FKBP14: variants seen among roughly 807,000 people sequenced by gnomAD.
The protein encoded by FKBP14 is peptidyl-prolyl cis-trans isomerase FKBP14.
A neutral mutation model predicts 21.6 loss-of-function variants in FKBP14; 20 were observed. That is an observed-to-expected ratio of 0.92 (90% CI 0.65 to 1.34). The LOEUF is 1.34. Ranked by LOEUF, FKBP14 falls within the 40% of genes most tolerant of loss-of-function variation. The pLI, the probability that FKBP14 is intolerant of heterozygous loss-of-function variation, is 0.00. For missense variants in FKBP14, 253 were observed against 249.0 expected (o/e 1.02, Z -0.11); for synonymous variants, 79 against 86.7 (o/e 0.91, Z 0.49).
chr7:30,024,725 C>G (rs1036787316), intron 1 of FKBP14, among the ~76,000 whole-genome samples: 4 of 152,194 alleles, frequency 2.6e-5, no homozygotes, highest in African/African-American at 9.6e-5. Flanking sequence ...ATGAAGTTTA[C>G]AGTTAGCAGC....
intron 1 of FKBP14, among the ~76,000 whole-genome samples, chr7:30,023,415 A>G (rs369057514): frequency 3.7e-4 from 56 of 152,354 alleles, no homozygotes; most frequent in African/African-American, 1.3e-3. Context: ...AGTGTCTTAT[A>G]TCCTGCCTAC....
chr7:30,014,990 C>A (rs535457903), intron 3 of FKBP14, 97 bp from the exon 4 acceptor site: 48 of 681,864 alleles, frequency 7.0e-5, no homozygotes, highest in Non-Finnish European at 1.0e-4. Flanking sequence ...ATATTTAGTT[C>A]ATTAACTAAA....
chr7:30,015,727 G>T (rs1438109066), intron 3 of FKBP14, among the ~76,000 whole-genome samples: 1 of 149,470 alleles, frequency 6.7e-6, no homozygotes, highest in Non-Finnish European at 1.5e-5. Flanking sequence ...CCGGGTTCAC[G>T]CCATTCTCCT....
chr7:30,023,527 G>T (rs1408377974), intron 1 of FKBP14, among the ~76,000 whole-genome samples: 1 of 152,196 alleles, frequency 6.6e-6, no homozygotes, highest in African/African-American at 2.4e-5. Context: ...TTCCTCCTCA[G>T]GGGTCTACAG....
downstream of FKBP14, among the ~76,000 whole-genome samples, chr7:30,009,712 G>A (rs567954500): frequency 3.3e-3 from 503 of 151,884 alleles, 7 homozygotes; most frequent in African/African-American, 0.012. Flanking sequence ...GCAATAGGCC[G>A]GGCGTGGTCC....
intron 2 of FKBP14, among the ~76,000 whole-genome samples, chr7:30,020,532 C>T (rs1251602349): frequency 1.3e-5 from 2 of 152,092 alleles, no homozygotes; most frequent in Non-Finnish European, 2.9e-5. Flanking sequence ...CCCATACATA[C>T]AATGCTTTTT....
At chr7:30,007,819 T>TG (rs1441829382), downstream of FKBP14, among the ~76,000 whole-genome samples, 1 of 151,588 alleles carries the variant, frequency 6.6e-6, no homozygotes, top group South Asian at 2.1e-4. Flanking sequence ...GAGGCTGAGG[T>TG]GGGGGGATCA....
chr7:30,010,182 G>A (rs1452172057), downstream of FKBP14, among the ~76,000 whole-genome samples: 18 of 151,968 alleles, frequency 1.2e-4, no homozygotes, highest in Non-Finnish European at 1.5e-5. Context: ...TTAATCAGAG[G>A]GTATTTTATA....
intron 3 of FKBP14, among the ~76,000 whole-genome samples, chr7:30,016,055 C>T (rs1248535251): frequency 6.6e-6 from 1 of 152,096 alleles, no homozygotes; most frequent in Non-Finnish European, 1.5e-5. Flanking sequence ...GACTTACAGG[C>T]ATGTGCTACC....
chr7:30,017,571 A>G (rs559450360), intron 3 of FKBP14, among the ~76,000 whole-genome samples: 1 of 152,064 alleles, frequency 6.6e-6, no homozygotes, highest in African/African-American at 2.4e-5. Context: ...CCGTCTAAAA[A>G]AAAAAAAAAC....
intron 3 of FKBP14, among the ~76,000 whole-genome samples, chr7:30,017,483 C>T (rs894327163): frequency 2.6e-5 from 4 of 151,784 alleles, no homozygotes; most frequent in Non-Finnish European, 4.4e-5. Flanking sequence ...GCAGGAGAAT[C>T]GCTTGAACCC....
At chr7:30,018,960 A>G in intron 3 of FKBP14, 36 bp downstream of exon 3, 1 of 1,596,072 alleles carries the variant, frequency 6.3e-7, no homozygotes, top group African/African-American at 1.4e-5. Flanking sequence ...CAACCAAAGA[A>G]AAGTAGAAAG....
At chr7:30,017,579 A>AC (rs1194631430) in intron 3 of FKBP14, among the ~76,000 whole-genome samples, 1 of 151,914 alleles carries the variant, frequency 6.6e-6, no homozygotes, top group East Asian at 1.9e-4. Context: ...AAAAAAAAAA[A>AC]ACAGTAAATA....
chr7:30,024,863 C>G (rs1389285882), intron 1 of FKBP14, among the ~76,000 whole-genome samples: 1 of 152,208 alleles, frequency 6.6e-6, no homozygotes, highest in Non-Finnish European at 1.5e-5. Context: ...GTTCAGAAAT[C>G]TGAAAGAAGT....
At chr7:30,007,958 A>G (rs956611647), downstream of FKBP14, among the ~76,000 whole-genome samples, 2 of 152,134 alleles carry the variant, frequency 1.3e-5, no homozygotes, top group African/African-American at 4.8e-5. Context: ...CTGAGGCAGG[A>G]GAATCGCTTG....
At position 30,013,876 on chromosome 7, in the gene FKBP14, T is replaced by C. The variant is rs1242914864; in HGVS notation, c.*859A>G. 3 of 152,214 alleles carry C rather than the reference T, an allele frequency of 2.0e-5. No homozygotes were observed. Among genetic ancestry groups the C allele is most frequent in the Non-Finnish European group, 4.4e-5 (3 of 68,042 alleles). The allele number at this position is 152,214 out of a possible 1,614,324, so 9.4% of individuals were successfully genotyped here. On this transcript the variant is annotated 3_prime_UTR_variant, in exon 4 of 4. Coordinates refer to ENST00000222803, the MANE Select transcript of FKBP14 (RefSeq NM_017946.4). ...TCAATGCATACATATTTATATGTTA[T>C]TAACCGTGTTTCTTTTCTTTTTTTC...
chr7:30,021,425 C>G (rs1343638790), intron 2 of FKBP14, among the ~76,000 whole-genome samples: 2 of 152,158 alleles, frequency 1.3e-5, no homozygotes, highest in African/African-American at 4.8e-5. Flanking sequence ...ATACCACTTA[C>G]GACAGTTCCA....
At chr7:30,021,140 C>T (rs968813624) in intron 2 of FKBP14, among the ~76,000 whole-genome samples, 2 of 152,106 alleles carry the variant, frequency 1.3e-5, no homozygotes, top group Non-Finnish European at 2.9e-5. Context: ...GTAATACATG[C>T]TCATTGTAGA....
chr7:30,012,142 T>C lies in FKBP14; in HGVS notation c.*2593A>G, dbSNP rs1376089523. 1 of 152,248 alleles carries C rather than the reference T, an allele frequency of 6.6e-6. No individual in the cohort carries two copies. Among genetic ancestry groups the C allele is most frequent in the African/African-American group, 2.4e-5 (1 of 41,470 alleles). 9.4% of individuals were successfully genotyped at this position (152,248 alleles called of 1,614,324 possible). On this transcript the variant is annotated 3_prime_UTR_variant, in exon 4 of 4. Transcript: ENST00000222803. ...TGCATCTCCATCATTAAGTGAGGTA[T>C]GACTGTACATGTGAAGTCACAGTTC... is the stretch of plus-strand genomic sequence containing the variant.
Sources: gnomAD v4.1 joint callset for allele counts (sites outside exome capture counted in the v4.1 genomes callset) on GRCh38, gnomAD v4.1.1 for gene constraint, MANE v1.5 for transcripts, NCBI Gene and HGNC (gene_info 2026-07-23, HGNC 2026-07-21) for gene names.